The following APPL2 variants were observed in gnomAD, a reference collection of about 807,000 sequenced individuals.
APPL2 encodes DCC-interacting protein 13-beta.
APPL2 carries 84 observed loss-of-function variants against 92.7 expected under a neutral mutation model. The observed-to-expected ratio is 0.91, with a 90% CI of 0.76 to 1.09. The LOEUF (loss-of-function observed/expected upper bound fraction) is 1.09. Ranked by LOEUF, APPL2 falls within the 50% of genes least tolerant of loss-of-function variation. The pLI, the probability that APPL2 is intolerant of heterozygous loss-of-function variation, is 0.00. For synonymous variants in APPL2, 291 were observed against 291.0 expected, an observed-to-expected ratio of 1.00 and a Z score of 0.00; for missense variants, 736 against 824.5, an observed-to-expected ratio of 0.89 and a Z score of 1.31.
chr12:105,174,882 G>C (rs1036431760), intron 20 of APPL2, among the ~76,000 whole-genome samples: 4 of 108,214 alleles, frequency 3.7e-5, no homozygotes, highest in African/African-American at 8.2e-5. Context: ...TTGGTGGGGG[G>C]GGGGGTGGTG....
intron 14 of APPL2, among the ~76,000 whole-genome samples, chr12:105,190,573 A>G (rs1887109414): frequency 6.6e-6 from 1 of 151,682 alleles, no homozygotes; most frequent in African/African-American, 2.4e-5. Flanking sequence ...CTCCCTTTCC[A>G]CTCCTTTAAT....
chr12:105,199,576 C>CCAG (rs758032283), intron 9 of APPL2, 45 bp from the exon 10 acceptor site: 1 of 1,584,842 alleles, frequency 6.3e-7, no homozygotes, highest in Admixed American at 1.7e-5. Context: ...GCTGGCCAAC[C>CCAG]CAGCACTACT....
intron 8 of APPL2, chr12:105,206,825 T>C (rs2136004211): frequency 2.3e-6 from 1 of 439,604 alleles, no homozygotes. Context: ...CAAGAGAGGC[T>C]TGGGACCCAG....
chr12:105,231,903 T>C (rs1397677370), intron 1 of APPL2, among the ~76,000 whole-genome samples: 1 of 152,162 alleles, frequency 6.6e-6, no homozygotes, highest in African/African-American at 2.4e-5. Flanking sequence ...TGCTCAAACT[T>C]TGGTTTGGAA....
intron 2 of APPL2, among the ~76,000 whole-genome samples, chr12:105,218,536 C>T (rs528494954): frequency 6.6e-6 from 1 of 152,278 alleles, no homozygotes; most frequent in East Asian, 1.9e-4. Context: ...GCCATGGGGA[C>T]GAGCTTTCCA....
chr12:105,192,045 G>C (rs1374193345), intron 14 of APPL2, among the ~76,000 whole-genome samples: 1 of 150,392 alleles, frequency 6.6e-6, no homozygotes, highest in African/African-American at 2.5e-5. Flanking sequence ...ACTCATTTGG[G>C]ATGTTTCACA....
chr12:105,199,879 C>T (rs1017798656), intron 9 of APPL2, among the ~76,000 whole-genome samples: 3 of 151,694 alleles, frequency 2.0e-5, no homozygotes, highest in Non-Finnish European at 1.5e-5. Context: ...AGTACAGTGG[C>T]GCGATCTCCT....
At position 105,176,915 on chromosome 12, in the gene APPL2, CAG is replaced by C. The variant is rs776979017; in HGVS notation, c.1771_1772del (p.Leu591GlufsTer6). 4 of 1,613,962 alleles carry C rather than the reference CAG, an allele frequency of 2.5e-6. No individual in the cohort carries two copies. Among genetic ancestry groups the C allele is most frequent in the South Asian group, 2.2e-5 (2 of 91,078 alleles). ...RVPESTGEESLSTYIFESNSE... is the reference protein window; with the variant it reads ...RVPESTGEESXSTYIFESNSE... ...AGTTGCTTTCAAAAATGTATGTACT[CAG>C]AGATTCTTCTCCAGTGGATTCAGGA... On this transcript the variant is annotated frameshift_variant, in exon 19 of 21. Coordinates refer to ENST00000258530, the MANE Select transcript of APPL2 (RefSeq NM_018171.5). LOFTEE classifies it high-confidence loss of function.
At chr12:105,206,746 C>G in intron 8 of APPL2, 1 of 232,824 alleles carries the variant, frequency 4.3e-6, no homozygotes, top group Admixed American at 5.2e-5. Flanking sequence ...GTGGTAGCTG[C>G]TTCTAGGAGA....
At chr12:105,181,150 TTGAG>T (rs780690749) in intron 17 of APPL2, among the ~76,000 whole-genome samples, 25 of 152,354 alleles carry the variant, frequency 1.6e-4, no homozygotes, top group Middle Eastern at 3.4e-3. Flanking sequence ...ACCTAGTTTA[TTGAG>T]TGTTTTTAGC....
At chr12:105,180,882 T>C (rs1886046579) in intron 17 of APPL2, among the ~76,000 whole-genome samples, 1 of 152,356 alleles carries the variant, frequency 6.6e-6, no homozygotes. Flanking sequence ...TGGAGTTTTC[T>C]AAACATACAA....
intron 2 of APPL2, among the ~76,000 whole-genome samples, chr12:105,220,521 A>G (rs1006894596): frequency 1.3e-5 from 2 of 152,198 alleles, no homozygotes; most frequent in East Asian, 3.8e-4. Context: ...ACACCATTTC[A>G]GATCCCAGGA....
In APPL2 at chr12:105,188,329, A is replaced by G; in HGVS notation, c.1578T>C (p.Ile526=). Residue 526 remains isoleucine, a synonymous_variant, in exon 17 of 21, where the codon ATT becomes ATC. Coordinates refer to ENST00000258530, the MANE Select transcript of APPL2 (RefSeq NM_018171.5). ...AMRQVLAARA[I]HNIFRMTESH... ...ATTCTGTCATGCGGAAGATGTTATG[A>G]ATAGCCCGAGCAGCCAATACTTGTC... is the stretch of plus-strand genomic sequence containing the variant. The G allele has an allele frequency of 6.2e-7, 1 of 1,614,248 alleles. No homozygotes were observed. Among genetic ancestry groups the G allele is most frequent in the Non-Finnish European group, 8.5e-7 (1 of 1,180,036 alleles).
Position 105,217,095 on chromosome 12 carries a change from GGA to G in APPL2, c.257_258del (p.Leu86ProfsTer9). 1 of 1,610,170 alleles carries G rather than the reference GGA, an allele frequency of 6.2e-7. No homozygotes were observed. Among genetic ancestry groups the G allele is most frequent in the Non-Finnish European group, 8.5e-7 (1 of 1,177,364 alleles). ...TCATCCACCACTTTGGAAAAATAGT[GGA>G]GTGTTGAAATTACTTCTTCATCACC... Reference protein sequence around the residue: ...GKGDEEVISTLHYFSKVVDEL... With the variant: ...GKGDEEVISTXHYFSKVVDEL... On this transcript the variant is annotated frameshift_variant, in exon 4 of 21. Coordinates refer to ENST00000258530, the MANE Select transcript of APPL2 (RefSeq NM_018171.5). LOFTEE classifies it high-confidence loss of function.
rs190473001 is a variant in APPL2 at position 105,208,906 on chromosome 12, C to T, written c.374-707G>A. Among the ~76,000 whole-genome samples, 310 of 152,276 alleles carry T rather than the reference C, an allele frequency of 2.0e-3. 1 individual carries two copies. Among genetic ancestry groups the T allele is most frequent in the Non-Finnish European group, 2.9e-3 (198 of 68,024 alleles). On this transcript the variant is annotated intron_variant, in intron 5 of 20. Coordinates refer to ENST00000258530, the MANE Select transcript of APPL2 (RefSeq NM_018171.5). ...CACTTTCTACAATTCTACAACAATC[C>T]ATTTTCATTTTATCAAACAAAGCAA... is the stretch of plus-strand genomic sequence containing the variant.
intron 8 of APPL2, 86 bp downstream of exon 8, chr12:105,206,975 A>G: frequency 5.3e-6 from 8 of 1,496,792 alleles, no homozygotes; most frequent in Non-Finnish European, 7.2e-6. Flanking sequence ...TCTTTCTACG[A>G]CGATGCTTCA....
At chr12:105,213,167 A>G (rs897612448) in intron 4 of APPL2, among the ~76,000 whole-genome samples, 15 of 152,232 alleles carry the variant, frequency 9.9e-5, no homozygotes, top group African/African-American at 3.6e-4. Context: ...CAAAACTCAG[A>G]AAGATTAAGT....
At chr12:105,215,537 G>A (rs1889612795) in intron 4 of APPL2, among the ~76,000 whole-genome samples, 1 of 152,188 alleles carries the variant, frequency 6.6e-6, no homozygotes, top group Non-Finnish European at 1.5e-5. Flanking sequence ...ATCAATAAAT[G>A]TTTGTTGAAT....
At position 105,190,174 on chromosome 12, in the gene APPL2, A is replaced by C. The variant is rs1296952683; in HGVS notation, c.1242-19T>G. 6.2e-7 allele frequency: 1 copy of C among 1,610,134 alleles called. No homozygotes were observed. The highest frequency in any genetic ancestry group is 1.7e-5 in the Admixed American group (1 of 59,618). On this transcript the variant is annotated intron_variant, in intron 14 of 20. Transcript: ENST00000258530. Reference sequence around the variant, plus strand: ...GTTCTGGCTGAAGGGGAAAAAAATCAATTCCCTTAACCTTACGCTTTTATA... The same window carrying C: ...GTTCTGGCTGAAGGGGAAAAAAATCCATTCCCTTAACCTTACGCTTTTATA...
Sources: gnomAD v4.1 joint callset for allele counts (sites outside exome capture counted in the v4.1 genomes callset) on GRCh38, gnomAD v4.1.1 for gene constraint, MANE v1.5 for transcripts, NCBI Gene and HGNC (gene_info 2026-07-23, HGNC 2026-07-21) for gene names.